Variants in GPC5 observed in about 807,000 individuals in gnomAD.
The protein encoded by GPC5 is glypican-5.
Under a neutral mutation model 53.9 loss-of-function variants are expected in GPC5, and 47 were observed. The ratio of observed to expected loss-of-function variants is 0.87; its 90% CI spans 0.69 to 1.11. The LOEUF is 1.11. Ranked by LOEUF, GPC5 falls within the 50% of genes most tolerant of loss-of-function variation. The pLI is 0.00. For missense variants in GPC5, 748 were observed against 713.1 expected (o/e 1.05, Z -0.56); for synonymous variants, 286 against 263.3 (o/e 1.09, Z -0.84).
At chr13:92,474,856 G>A (rs762149617) in intron 7 of GPC5, among the ~76,000 whole-genome samples, 1 of 152,040 alleles carries the variant, frequency 6.6e-6, no homozygotes, top group South Asian at 2.1e-4. Context: ...AAGAATATGA[G>A]AAATTATTCA....
intron 7 of GPC5, among the ~76,000 whole-genome samples, chr13:92,814,521 C>T (rs1462526045): frequency 1.3e-5 from 2 of 151,566 alleles, no homozygotes; most frequent in African/African-American, 2.4e-5. Flanking sequence ...ATTAGCCGGG[C>T]ATGGTGGCAG....
At chr13:92,238,931 G>A (rs556780719) in intron 7 of GPC5, among the ~76,000 whole-genome samples, 19 of 150,262 alleles carry the variant, frequency 1.3e-4, no homozygotes, top group Non-Finnish European at 3.0e-5. Flanking sequence ...TTTTATATAT[G>A]GTGTGAGGTA....
At chr13:92,239,502 T>C (rs2042594253) in intron 7 of GPC5, among the ~76,000 whole-genome samples, 1 of 152,002 alleles carries the variant, frequency 6.6e-6, no homozygotes, top group Non-Finnish European at 1.5e-5. Context: ...TTCCAATATA[T>C]ACAACACACC....
intron 7 of GPC5, among the ~76,000 whole-genome samples, chr13:92,386,894 G>A (rs1594157917): frequency 6.6e-6 from 1 of 152,220 alleles, no homozygotes; most frequent in East Asian, 1.9e-4. Flanking sequence ...ATTAGGCAGT[G>A]CATTGCTTCC....
chr13:92,792,618 T>C (rs146138790), intron 7 of GPC5, among the ~76,000 whole-genome samples: 316 of 152,162 alleles, frequency 2.1e-3, no homozygotes, highest in African/African-American at 7.1e-3. Flanking sequence ...TCAAGACCCA[T>C]CAGTGTGCTG....
Position 91,484,146 on chromosome 13 carries a change from A to T in GPC5, c.325+35224A>T, listed in dbSNP as rs139741306. On this transcript the variant is annotated intron_variant, in intron 2 of 7. Transcript: ENST00000377067. Reference sequence around the variant, plus strand: ...ATTTTTCGAGTGTGTTCACACTCTGATATCTCATTTGCTACTTAAGTTAAT... The same window carrying T: ...ATTTTTCGAGTGTGTTCACACTCTGTTATCTCATTTGCTACTTAAGTTAAT... 7.2e-3 allele frequency among the ~76,000 whole-genome samples: 1,098 copies of T among 152,220 alleles called. 17 individuals carry two copies. The highest frequency in any genetic ancestry group is 0.024 in the African/African-American group (1,008 of 41,540).
At chr13:92,804,845 T>G (rs1877035131) in intron 7 of GPC5, among the ~76,000 whole-genome samples, 1 of 152,084 alleles carries the variant, frequency 6.6e-6, no homozygotes, top group South Asian at 2.1e-4. Context: ...TATGTAATAT[T>G]CTACATATTT....
At chr13:91,842,714 A>C (rs1041756623) in intron 5 of GPC5, among the ~76,000 whole-genome samples, 1 of 139,144 alleles carries the variant, frequency 7.2e-6, no homozygotes, top group Non-Finnish European at 1.7e-5. Context: ...CAAAAAAAAA[A>C]AAAAAAAAAA....
intron 7 of GPC5, among the ~76,000 whole-genome samples, chr13:92,311,294 A>AG (rs772208710): frequency 1.3e-5 from 2 of 152,238 alleles, no homozygotes; most frequent in Non-Finnish European, 2.9e-5. Context: ...CACTGAGAAA[A>AG]GAGCAGTGAA....
chr13:92,494,095 G>GTTTTT (rs1464502034), intron 7 of GPC5, among the ~76,000 whole-genome samples: 22 of 95,226 alleles, frequency 2.3e-4, no homozygotes, highest in Admixed American at 2.2e-3. Context: ...GTTTTGTTTT[G>GTTTTT]TTTTGTTTTT....
At chr13:92,004,054 A>G (rs976386708) in intron 6 of GPC5, among the ~76,000 whole-genome samples, 5 of 152,200 alleles carry the variant, frequency 3.3e-5, no homozygotes, top group African/African-American at 1.2e-4. Flanking sequence ...AATTTAGCTG[A>G]AGCTATTTTT....
intron 7 of GPC5, among the ~76,000 whole-genome samples, chr13:92,362,955 A>G (rs1316879921): frequency 6.6e-6 from 1 of 151,692 alleles, no homozygotes; most frequent in African/African-American, 2.4e-5. Context: ...ACAGGACGGG[A>G]AACCTCGTCA....
chr13:91,836,351 T>A (rs1223185592), intron 5 of GPC5, among the ~76,000 whole-genome samples: 4 of 152,136 alleles, frequency 2.6e-5, no homozygotes, highest in African/African-American at 9.7e-5. Context: ...ACTTTCTTCA[T>A]CTGCAGTACA....
intron 6 of GPC5, among the ~76,000 whole-genome samples, chr13:91,919,337 C>G (rs2039688611): frequency 6.6e-6 from 1 of 152,188 alleles, no homozygotes; most frequent in South Asian, 2.1e-4. Flanking sequence ...TTCTCCATTT[C>G]CTCTCTTACA....
intron 5 of GPC5, among the ~76,000 whole-genome samples, chr13:91,881,739 A>G (rs1453494119): frequency 2.0e-5 from 3 of 152,172 alleles, no homozygotes; most frequent in African/African-American, 7.2e-5. Flanking sequence ...AACATAAGTG[A>G]ATGTAGGTTG....
chr13:92,443,222 G>A (rs908743743), intron 7 of GPC5, among the ~76,000 whole-genome samples: 5 of 152,200 alleles, frequency 3.3e-5, no homozygotes, highest in African/African-American at 4.8e-5. Context: ...AACTCATAGA[G>A]TGAGAAAATA....
intron 1 of GPC5, among the ~76,000 whole-genome samples, chr13:91,417,208 C>T (rs1878298653): frequency 6.6e-6 from 1 of 152,060 alleles, no homozygotes. Flanking sequence ...CTGGGCATGT[C>T]AATATTGAGG....
rs1881392646 is a variant in GPC5 at position 92,527,259 on chromosome 13, GAAAGAA to G, written c.1562-339021_1562-339016del. 1.1e-4 allele frequency among the ~76,000 whole-genome samples: 14 copies of G among 123,082 alleles called. 1 individual carries two copies. The highest frequency in any genetic ancestry group is 5.3e-4 in the African/African-American group (13 of 24,304). The allele number at this position is 123,082 out of a possible 152,430, so 80.7% of individuals were successfully genotyped here. On this transcript the variant is annotated intron_variant, in intron 7 of 7. Coordinates refer to ENST00000377067, the MANE Select transcript of GPC5 (RefSeq NM_004466.6). Reference sequence around the variant, plus strand: ...AAAGAAAGAAAGAAAGAGAAAGAAAGAAAGAAAGAAAGAAAGAAAGAAAAAGATCAA... The same window carrying G: ...AAAGAAAGAAAGAAAGAGAAAGAAAGAGAAAGAAAGAAAGAAAAAGATCAA...
At chr13:91,508,347 A>G (rs1258283082) in intron 2 of GPC5, among the ~76,000 whole-genome samples, 1 of 152,228 alleles carries the variant, frequency 6.6e-6, no homozygotes, top group East Asian at 1.9e-4. Flanking sequence ...CATGTCTGGT[A>G]GAAAATGTTC....
Sources: allele counts gnomAD v4.1 joint callset (sites outside exome capture counted in the v4.1 genomes callset), GRCh38; gene constraint gnomAD v4.1.1; transcripts MANE v1.5; gene names NCBI Gene and HGNC (gene_info 2026-07-23, HGNC 2026-07-21).